The following LTA4H variants were observed in gnomAD, a reference collection of about 807,000 sequenced individuals.
LTA4H encodes the protein leukotriene A-4 hydrolase.
LTA4H carries 59 observed loss-of-function variants against 89.8 expected under a neutral mutation model. That is an observed-to-expected ratio of 0.66 (90% CI 0.53 to 0.82). LTA4H has a LOEUF of 0.82. Among genes scored for constraint, LTA4H ranks in the 40% least tolerant of loss-of-function variants. LTA4H has a pLI of 0.00. For synonymous variants in LTA4H, 227 were observed against 253.1 expected, an observed-to-expected ratio of 0.90 and a Z score of 0.98; for missense variants, 617 against 727.0, an observed-to-expected ratio of 0.85 and a Z score of 1.74.
intron 2 of LTA4H, among the ~76,000 whole-genome samples, chr12:96,028,463 T>A (rs1424979610): frequency 6.6e-6 from 1 of 152,180 alleles, no homozygotes; most frequent in Non-Finnish European, 1.5e-5. Flanking sequence ...TTCACCCTCT[T>A]TCCCCTCAAG....
At chr12:96,017,424 TTAA>T in intron 9 of LTA4H, 130 bp downstream of exon 9, 1 of 710,786 alleles carries the variant, frequency 1.4e-6, no homozygotes, top group South Asian at 2.0e-5. Flanking sequence ...CATCTAATTG[TTAA>T]TAATGTGAGA....
intron 10 of LTA4H, among the ~76,000 whole-genome samples, chr12:96,016,663 G>GGCCAAGGTGGGTGGATT (rs1950379788): frequency 6.6e-6 from 1 of 151,788 alleles, no homozygotes; most frequent in African/African-American, 2.4e-5. Context: ...CACTTTGGGA[G>GGCCAAGGTGGGTGGATT]GCCAAGGTGG....
intron 3 of LTA4H, 34 bp downstream of exon 3, chr12:96,027,410 T>C: frequency 6.5e-7 from 1 of 1,548,984 alleles, no homozygotes; most frequent in Non-Finnish European, 8.7e-7. Context: ...GCTGAAATTT[T>C]CTGCATCAGA....
Position 96,013,855 on chromosome 12 carries a change from T to C in LTA4H, c.1205-2A>G. The stretch of plus-strand genomic sequence containing the variant: ...CTTTTAAGAATCCTAGGAAAATCTC[T>C]AAGAGTAAAAAAGAAAAGAAATCAA... On this transcript the variant is annotated splice_acceptor_variant, in intron 12 of 18. Coordinates refer to ENST00000228740, the MANE Select transcript of LTA4H (RefSeq NM_000895.3). LOFTEE classifies it high-confidence loss of function. 1 of 1,316,876 alleles carries C rather than the reference T, an allele frequency of 7.6e-7. No individual in the cohort carries two copies. The highest frequency in any genetic ancestry group is 1.1e-6 in the Non-Finnish European group (1 of 931,912). 81.6% of individuals were successfully genotyped at this position (1,316,876 alleles called of 1,614,324 possible). A position where few individuals can be genotyped will look rare whatever the true frequency, so the allele number is the denominator to read the frequency against.
chr12:96,030,752 A>G (rs1350348323), intron 1 of LTA4H, among the ~76,000 whole-genome samples: 1 of 152,156 alleles, frequency 6.6e-6, no homozygotes, highest in African/African-American at 2.4e-5. Context: ...ATGTGAGGCC[A>G]AGAACCAGCC....
intron 16 of LTA4H, among the ~76,000 whole-genome samples, chr12:96,004,360 T>G (rs550616170): frequency 6.6e-6 from 1 of 152,344 alleles, no homozygotes; most frequent in South Asian, 2.1e-4. Flanking sequence ...CCTGTTAAAT[T>G]ATCTGCATAC....
chr12:96,016,873 C>T (rs111894899), intron 10 of LTA4H, among the ~76,000 whole-genome samples, 171 bp downstream of exon 10: 1 of 151,040 alleles, frequency 6.6e-6, no homozygotes, highest in Non-Finnish European at 1.5e-5. Flanking sequence ...GCACTCTAGC[C>T]TGAGTGACAG....
At chr12:96,019,266 A>C (rs1950422624) in intron 6 of LTA4H, 26 bp from the exon 7 acceptor site, 6 of 1,584,044 alleles carry the variant, frequency 3.8e-6, no homozygotes, top group Non-Finnish European at 5.2e-6. Flanking sequence ...GCTTAATAAA[A>C]AAGAAATTCA....
intron 14 of LTA4H, chr12:96,010,471 A>T (rs1252157525): frequency 6.6e-6 from 1 of 152,290 alleles, no homozygotes. Context: ...AAATGCTTCC[A>T]AGAGGAAGTG....
intron 3 of LTA4H, chr12:96,025,304 T>C (rs1222396783): frequency 6.6e-6 from 1 of 152,218 alleles, no homozygotes; most frequent in Non-Finnish European, 1.5e-5. Flanking sequence ...ACAAAACCCA[T>C]TTCTCTCTGG....
intron 2 of LTA4H, among the ~76,000 whole-genome samples, chr12:96,028,257 T>A (rs1950534049): frequency 6.6e-6 from 1 of 152,160 alleles, no homozygotes; most frequent in African/African-American, 2.4e-5. Context: ...CCTGACTCTA[T>A]CACTTACTGG....
At position 96,009,186 on chromosome 12, in the gene LTA4H, T is replaced by C. The variant is rs777564362; in HGVS notation, c.1380-38A>G. ...AGATTACATTGTTTAAAAATGCACG[T>C]GCTTTTGCAGAAATGCAGTTTTAAA... On this transcript the variant is annotated intron_variant, in intron 14 of 18. Transcript: ENST00000228740. 2.4e-5 allele frequency: 34 copies of C among 1,440,740 alleles called. 1 individual carries two copies. The highest frequency in any genetic ancestry group is 3.1e-5 in the Non-Finnish European group (32 of 1,027,128). The allele number at this position is 1,440,740 out of a possible 1,614,324, so 89.2% of individuals were successfully genotyped here.
upstream of LTA4H, among the ~76,000 whole-genome samples, chr12:96,038,692 G>A (rs1420554535): frequency 1.3e-5 from 2 of 151,100 alleles, no homozygotes; most frequent in Non-Finnish European, 2.9e-5. Flanking sequence ...AACATTTTTT[G>A]AGGTCACCAA....
At chr12:96,031,549 T>C (rs1009051600) in intron 1 of LTA4H, among the ~76,000 whole-genome samples, 17 of 152,234 alleles carry the variant, frequency 1.1e-4, no homozygotes, top group African/African-American at 4.1e-4. Context: ...CTACTAATTA[T>C]AGGATATAAT....
chr12:96,026,726 T>C (rs534763879), intron 3 of LTA4H, among the ~76,000 whole-genome samples: 5 of 152,336 alleles, frequency 3.3e-5, no homozygotes, highest in African/African-American at 1.2e-4. Flanking sequence ...ATGTAAAGAA[T>C]CTAGCACAAT....
chr12:96,001,227 A>C, intron 18 of LTA4H, 121 bp from the exon 19 acceptor site: 1 of 658,148 alleles, frequency 1.5e-6, no homozygotes, highest in East Asian at 2.7e-5. Flanking sequence ...AGGAAGGAGA[A>C]AGAGAATAAG....
Position 96,022,138 on chromosome 12 carries a change from G to C in LTA4H, c.585+9C>G. The C allele has an allele frequency of 6.2e-7, 1 of 1,601,790 alleles. No individual in the cohort carries two copies. Among genetic ancestry groups the C allele is most frequent in the Non-Finnish European group, 8.6e-7 (1 of 1,169,076 alleles). ...AATGAAAACAAAAATCTAGACCCTA[G>C]GATCTTACTTTTTGGATGAATTTGT... On this transcript the variant is annotated intron_variant, in intron 5 of 18. Coordinates refer to ENST00000228740, the MANE Select transcript of LTA4H (RefSeq NM_000895.3). The surrounding 1 kb of genome is among the most constrained non-coding windows in gnomAD (Gnocchi z 4.0).
At chr12:96,014,547 T>C (rs565127391) in intron 12 of LTA4H, among the ~76,000 whole-genome samples, 14 of 152,320 alleles carry the variant, frequency 9.2e-5, no homozygotes, top group African/African-American at 3.1e-4. Flanking sequence ...AAGGGGTTGA[T>C]GGACTCTCAC....
chr12:96,012,889 A>G (rs1950324617), intron 14 of LTA4H: 1 of 296,052 alleles, frequency 3.4e-6, no homozygotes, highest in South Asian at 6.4e-5. Context: ...TAATTAACAT[A>G]ATACTTATAA....
Sources: allele counts gnomAD v4.1 joint callset (sites outside exome capture counted in the v4.1 genomes callset), GRCh38; gene constraint gnomAD v4.1.1; non-coding constraint Gnocchi (gnomAD v3.1); transcripts MANE v1.5; gene names NCBI Gene and HGNC (gene_info 2026-07-23, HGNC 2026-07-21).